Variants in MZF1 observed in about 807,000 individuals in gnomAD.
MZF1 encodes the protein zinc finger and SCAN domain-containing protein 6.
MZF1 carries 24 observed loss-of-function variants against 28.6 expected under a neutral mutation model. That is an observed-to-expected ratio of 0.84 (90% CI 0.61 to 1.18). The LOEUF (loss-of-function observed/expected upper bound fraction) is 1.18. Ranked by LOEUF, MZF1 falls within the 50% of genes most tolerant of loss-of-function variation. MZF1 has a pLI of 0.00. For missense variants in MZF1, 1,166 were observed against 1,026.4 expected (o/e 1.14, Z -1.86); for synonymous variants, 516 against 432.5 (o/e 1.19, Z -2.40).
intron 5 of MZF1, among the ~76,000 whole-genome samples, chr19:58,567,817 G>T (rs1268067039): frequency 6.6e-6 from 1 of 151,604 alleles, no homozygotes; most frequent in Non-Finnish European, 1.5e-5. Context: ...AGAACACACT[G>T]TTTTTTTTTA....
Position 58,562,528 on chromosome 19 carries a change from C to G in MZF1, c.1749G>C (p.Thr583=), listed in dbSNP as rs200161214. The G allele has an allele frequency of 5.6e-6, 9 of 1,608,622 alleles. No homozygotes were observed. The highest frequency in any genetic ancestry group is 7.6e-6 in the Non-Finnish European group (9 of 1,178,548). The change falls in exon 6 of 6, where the codon ACG becomes ACC. Residue 583 remains threonine (T), a synonymous_variant. Coordinates refer to ENST00000215057, the MANE Select transcript of MZF1 (RefSeq NM_198055.2). ...TGTGTACGCGGAGATGCTGCGTGAGCGTAGGCCGCTGGCGGAAGGCCTTGC... is the reference window on the plus strand; with the variant it reads ...TGTGTACGCGGAGATGCTGCGTGAGGGTAGGCCGCTGGCGGAAGGCCTTGC... ...ECGKAFRQRP[T]LTQHLRVHTG...
At position 58,571,451 on chromosome 19, in the gene MZF1, G is replaced by C. The variant is rs79985269; in HGVS notation, c.-40-22C>G. The C allele has an allele frequency of 1.1e-3, 1,676 of 1,594,002 alleles. 11 individuals carry two copies. In the African/African-American group the frequency reaches 0.02, roughly 19 times the overall value. ...GCCCCTGGTGAAGAAATAGGATGAGGCTGTTGCAAAAGGAGTACAGTGAAT... is the reference window on the plus strand; with the variant it reads ...GCCCCTGGTGAAGAAATAGGATGAGCCTGTTGCAAAAGGAGTACAGTGAAT... On this transcript the variant is annotated intron_variant, in intron 1 of 5. Transcript: ENST00000215057.
intron 5 of MZF1, chr19:58,568,181 G>A (rs931871158): frequency 6.6e-6 from 1 of 152,104 alleles, no homozygotes; most frequent in Admixed American, 6.6e-5. Flanking sequence ...GGAGTTCAAG[G>A]TTACAGTAAG....
At chr19:58,564,917 T>TTTG (rs2054015550) in intron 5 of MZF1, among the ~76,000 whole-genome samples, 1 of 120,952 alleles carries the variant, frequency 8.3e-6, no homozygotes, top group South Asian at 3.0e-4. Context: ...TTTTTTTTTT[T>TTTG]TTTTTTTTTT....
chr19:58,569,421 C>A, intron 4 of MZF1, 24 bp from the exon 5 acceptor site: 1 of 1,614,030 alleles, frequency 6.2e-7, no homozygotes, highest in South Asian at 1.1e-5. Flanking sequence ...GGTCACTGCT[C>A]CTCTGTGCCT....
intron 5 of MZF1, among the ~76,000 whole-genome samples, chr19:58,566,687 C>T (rs1242078612): frequency 6.6e-6 from 1 of 152,044 alleles, no homozygotes; most frequent in Non-Finnish European, 1.5e-5. Flanking sequence ...AAAAAGACCT[C>T]TCTGAGCCAG....
chr19:58,564,913 T>TTG (rs1555802313), intron 5 of MZF1, among the ~76,000 whole-genome samples: 34 of 92,320 alleles, frequency 3.7e-4, no homozygotes, highest in Non-Finnish European at 5.3e-4. Context: ...TTTTTTTTTT[T>TTG]TTTTTTTTTT....
In MZF1 at chr19:58,563,081, A is replaced by G. The variant is rs750131237; in HGVS notation, c.1196T>C (p.Leu399Pro). 32 of 1,604,078 alleles carry G rather than the reference A, an allele frequency of 2.0e-5. No homozygotes were observed. The highest frequency in any genetic ancestry group is 2.7e-5 in the Non-Finnish European group (32 of 1,179,324). The change falls in exon 6 of 6, where the codon CTG becomes CCG. Residue 399 changes from leucine (L) to proline (P), a missense_variant. By Grantham distance (98) the Leu-to-Pro change is moderately conservative. Transcript: ENST00000215057. ...GGTGTGCGTAAGCTGGTGGCGCAGC[A>G]GGTGCGAGCTGCGGCTGAAGCTGCG... is the stretch of plus-strand genomic sequence containing the variant. ...CGRSFSRSSH[L>P]LRHQLTHTEE...
In MZF1 at chr19:58,562,642, C is replaced by A. The variant is rs780511000; in HGVS notation, c.1635G>T (p.Glu545Asp). Residue 545 changes from glutamate to aspartate, a missense_variant, in exon 6 of 6, where the codon GAG (glutamate) becomes GAT (aspartate). Transcript: ENST00000215057. ...HSGERPFACA[E>D]CGQSFRQRSN... ...AGCGCTGCCGGAAGCTCTGGCCGCA[C>A]TCGGCACAGGCGAAGGGCCGCTCGC... 1.3e-6 allele frequency: 2 copies of A among 1,556,378 alleles called. No individual in the cohort carries two copies. Among genetic ancestry groups the A allele is most frequent in the African/African-American group, 2.7e-5 (2 of 73,880 alleles).
Position 58,569,357 on chromosome 19 carries a change from T to C in MZF1, c.692A>G (p.Lys231Arg). ...CCATGAGGGACCCTCAGGCCCAGTCTTGCTGTGGGGAAAGATCTGGTCCAG... is the reference window on the plus strand; with the variant it reads ...CCATGAGGGACCCTCAGGCCCAGTCCTGCTGTGGGGAAAGATCTGGTCCAG... ...TVLDQIFPHSKTGPEGPSWRE... is the reference protein window; with the variant it reads ...TVLDQIFPHSRTGPEGPSWRE... The change falls in exon 5 of 6, where the codon AAG (lysine) becomes AGG (arginine). Residue 231 changes from lysine to arginine, a missense_variant. By Grantham distance (26) the Lys-to-Arg change is conservative (BLOSUM62 2). Coordinates refer to ENST00000215057, the MANE Select transcript of MZF1 (RefSeq NM_198055.2). The C allele has an allele frequency of 6.2e-7, 1 of 1,614,004 alleles. No individual in the cohort carries two copies. The highest frequency in any genetic ancestry group is 8.5e-7 in the Non-Finnish European group (1 of 1,179,932).
intron 3 of MZF1, 27 bp downstream of exon 3, chr19:58,570,317 A>T (rs1316686140): frequency 6.3e-7 from 1 of 1,577,464 alleles, no homozygotes; most frequent in Admixed American, 1.8e-5. Flanking sequence ...ACCAGACCTT[A>T]GGCGCGCCCA....
intron 1 of MZF1, chr19:58,572,559 C>T (rs2054185358): frequency 1.6e-6 from 2 of 1,289,628 alleles, no homozygotes; most frequent in African/African-American, 1.5e-5. Context: ...CCTCCCTCCT[C>T]GCGCTGTTCC....
chr19:58,572,055 T>A (rs992861126), intron 1 of MZF1: 3 of 159,238 alleles, frequency 1.9e-5, no homozygotes, highest in Non-Finnish European at 4.2e-5. Context: ...ACCTCATTCC[T>A]GCGCTACAGC....
chr19:58,568,714 G>C (rs1367525740), intron 5 of MZF1: 2 of 152,602 alleles, frequency 1.3e-5, no homozygotes, highest in African/African-American at 4.8e-5. Flanking sequence ...GAGACCCTGG[G>C]TCTCAGGAAC....
In MZF1 at chr19:58,569,411, G is replaced by T; in HGVS notation, c.652-14C>A. ...GGTCCCACATCTCTGAAATCACAGT[G>T]GTCACTGCTCCTCTGTGCCTGGCTG... On this transcript the variant is annotated splice_polypyrimidine_tract_variant and intron_variant, in intron 4 of 5. Transcript: ENST00000215057. 2 of 1,614,004 alleles carry T rather than the reference G, an allele frequency of 1.2e-6. No individual in the cohort carries two copies. The highest frequency in any genetic ancestry group is 1.7e-6 in the Non-Finnish European group (2 of 1,179,970).
chr19:58,570,208 T>A (rs780662625), intron 3 of MZF1, 136 bp downstream of exon 3: 1 of 940,806 alleles, frequency 1.1e-6, no homozygotes, highest in Non-Finnish European at 1.6e-6. Flanking sequence ...CTGGGTAGAA[T>A]GTGGGGGCTG....
At chr19:58,566,463 G>A (rs1171633699) in intron 5 of MZF1, among the ~76,000 whole-genome samples, 2 of 151,754 alleles carry the variant, frequency 1.3e-5, no homozygotes, top group Non-Finnish European at 2.9e-5. Context: ...AAAAAAAAAA[G>A]GGAATGAACA....
intron 5 of MZF1, among the ~76,000 whole-genome samples, chr19:58,565,364 G>T (rs1242663428): frequency 6.8e-6 from 1 of 148,022 alleles, no homozygotes; most frequent in Non-Finnish European, 1.5e-5. Flanking sequence ...AAAGTGCTGG[G>T]ATTGCAGGCG....
intron 5 of MZF1, among the ~76,000 whole-genome samples, chr19:58,564,794 G>C (rs2054006627): frequency 6.6e-6 from 1 of 151,006 alleles, no homozygotes; most frequent in Non-Finnish European, 1.5e-5. Flanking sequence ...GTGGGGTTCT[G>C]TGTAGCTACC....
Sources: allele counts gnomAD v4.1 joint callset (sites outside exome capture counted in the v4.1 genomes callset), GRCh38; gene constraint gnomAD v4.1.1; transcripts MANE v1.5; gene names NCBI Gene and HGNC (gene_info 2026-07-23, HGNC 2026-07-21).